EDIL3: variants seen among roughly 807,000 people sequenced by gnomAD.
The protein encoded by EDIL3 is EGF like and discoidin domains 3, also known as EGF-like repeat and discoidin I-like domain-containing protein 3.
EDIL3 carries 37 observed loss-of-function variants against 67.4 expected under a neutral mutation model. The observed-to-expected ratio is 0.55, with a 90% CI of 0.42 to 0.72. The LOEUF (loss-of-function observed/expected upper bound fraction) is 0.72. EDIL3 is among the 30% of genes least tolerant of loss of function. The pLI, the probability that EDIL3 is intolerant of heterozygous loss-of-function variation, is 0.00. For synonymous variants in EDIL3, 195 were observed against 196.3 expected (o/e 0.99, Z 0.05); for missense variants, 527 against 586.3 (o/e 0.90, Z 1.04).
At chr5:83,953,743 A>C (rs773029681) in intron 10 of EDIL3, among the ~76,000 whole-genome samples, 5 of 151,792 alleles carry the variant, frequency 3.3e-5, no homozygotes, top group Non-Finnish European at 5.9e-5. Context: ...CTTTGGTTAA[A>C]GTTATTTTTT....
chr5:84,338,979 T>C (rs1180003498), intron 1 of EDIL3, among the ~76,000 whole-genome samples: 1 of 147,200 alleles, frequency 6.8e-6, no homozygotes, highest in Non-Finnish European at 1.5e-5. Context: ...AATAGATCTG[T>C]CACTATTCAT....
intron 5 of EDIL3, among the ~76,000 whole-genome samples, chr5:84,111,647 T>C (rs1171315932): frequency 6.6e-6 from 1 of 151,944 alleles, no homozygotes; most frequent in Non-Finnish European, 1.5e-5. Context: ...GAAAATACCA[T>C]GAAGTGGTAT....
chr5:84,216,468 T>C (rs1360254187), intron 3 of EDIL3, among the ~76,000 whole-genome samples: 2 of 152,126 alleles, frequency 1.3e-5, no homozygotes, highest in Non-Finnish European at 2.9e-5. Context: ...AAACTGTTTA[T>C]AAGTGAATAA....
chr5:84,171,827 A>C (rs1748817132), intron 4 of EDIL3, among the ~76,000 whole-genome samples: 1 of 152,178 alleles, frequency 6.6e-6, no homozygotes, highest in Admixed American at 6.5e-5. Context: ...GCCATACTCC[A>C]GATAAATTAA....
intron 9 of EDIL3, among the ~76,000 whole-genome samples, chr5:84,011,084 T>C (rs1380624006): frequency 3.3e-5 from 5 of 152,316 alleles, no homozygotes; most frequent in African/African-American, 9.6e-5. Context: ...AACCTCTGAC[T>C]ATAGCATACT....
intron 3 of EDIL3, among the ~76,000 whole-genome samples, chr5:84,218,923 G>A (rs1744284938): frequency 6.6e-6 from 1 of 152,186 alleles, no homozygotes; most frequent in Non-Finnish European, 1.5e-5. Flanking sequence ...GGACCAGGAG[G>A]GAATTTGCCA....
rs551818941 is a variant in EDIL3 at position 84,198,832 on chromosome 5, A to C, written c.227-18311T>G. On this transcript the variant is annotated intron_variant, in intron 3 of 10. Transcript: ENST00000296591. Reference sequence around the variant, plus strand: ...TGTATGAGAATGGGAATTAGTAATGAAGATCCCTAGCCAAAACTTTTCTGG... The same window carrying C: ...TGTATGAGAATGGGAATTAGTAATGCAGATCCCTAGCCAAAACTTTTCTGG... Among the ~76,000 whole-genome samples the C allele has an allele frequency of 3.9e-5, 6 of 152,184 alleles. No homozygotes were observed. The South Asian group carries it at 1.2e-3, about 32-fold the overall frequency.
chr5:84,111,475 T>C (rs1345340966), intron 5 of EDIL3, among the ~76,000 whole-genome samples: 2 of 152,182 alleles, frequency 1.3e-5, no homozygotes, highest in Admixed American at 1.3e-4. Context: ...CATCCGTTCA[T>C]TTAATTCAGT....
At chr5:84,066,868 T>G (rs112067028) in intron 6 of EDIL3, among the ~76,000 whole-genome samples, 1,621 of 152,278 alleles carry the variant, frequency 0.011, 33 homozygotes, top group African/African-American at 0.038. Context: ...AACATAAGTA[T>G]AGAAAGCATC....
chr5:84,313,058 T>G (rs1746438442), intron 1 of EDIL3, among the ~76,000 whole-genome samples: 1 of 152,198 alleles, frequency 6.6e-6, no homozygotes, highest in South Asian at 2.1e-4. Context: ...ATGGTCTGGA[T>G]TTTGTGACAG....
Position 84,186,199 on chromosome 5 carries a change from AT to A in EDIL3, c.227-5679del, listed in dbSNP as rs545544211. Among the ~76,000 whole-genome samples the A allele has an allele frequency of 2.2e-3, 336 of 152,186 alleles. 1 individual carries two copies. Among genetic ancestry groups the A allele is most frequent in the African/African-American group, 7.8e-3 (323 of 41,570 alleles). ...TTCTCTATTTTGATACTGAAAAAAA[AT>A]ATTACTAAAGTAATATGTAAAGGTC... On this transcript the variant is annotated intron_variant, in intron 3 of 10. Transcript: ENST00000296591.
intron 1 of EDIL3, among the ~76,000 whole-genome samples, chr5:84,339,206 T>C (rs1747046906): frequency 6.6e-6 from 1 of 152,174 alleles, no homozygotes; most frequent in South Asian, 2.1e-4. Flanking sequence ...GAAATTTACT[T>C]AACTTCTTTG....
chr5:83,979,031 A>T (rs1744921139), intron 9 of EDIL3, among the ~76,000 whole-genome samples: 1 of 152,136 alleles, frequency 6.6e-6, no homozygotes, highest in African/African-American at 2.4e-5. Context: ...GAGAGAAGAT[A>T]TTCTTACAAA....
chr5:84,202,823 T>C (rs543422103), intron 3 of EDIL3, among the ~76,000 whole-genome samples: 12 of 152,278 alleles, frequency 7.9e-5, no homozygotes, highest in African/African-American at 2.9e-4. Context: ...GTAATTCTTC[T>C]AAGTCTTTTA....
intron 9 of EDIL3, among the ~76,000 whole-genome samples, chr5:84,054,275 C>T (rs1249097914): frequency 6.6e-6 from 1 of 152,142 alleles, no homozygotes; most frequent in Non-Finnish European, 1.5e-5. Flanking sequence ...ATGCTAAAAA[C>T]TCTCAATAAA....
At chr5:83,961,622 T>C (rs1176992389) in intron 10 of EDIL3, among the ~76,000 whole-genome samples, 1 of 151,188 alleles carries the variant, frequency 6.6e-6, no homozygotes, top group African/African-American at 2.4e-5. Context: ...GATAAGTAAA[T>C]ACTCATCTGT....
At chr5:84,368,212 T>C (rs1580105794) in intron 1 of EDIL3, among the ~76,000 whole-genome samples, 1 of 152,274 alleles carries the variant, frequency 6.6e-6, no homozygotes, top group East Asian at 1.9e-4. Flanking sequence ...TTCCTTATTT[T>C]AAAACTTACT....
intron 4 of EDIL3, among the ~76,000 whole-genome samples, chr5:84,166,488 T>C (rs2112344652): frequency 6.6e-6 from 1 of 152,266 alleles, no homozygotes; most frequent in Non-Finnish European, 1.5e-5. Context: ...ATTCATTTGT[T>C]TACTTAACAA....
At chr5:84,323,705 G>T (rs181911559) in intron 1 of EDIL3, among the ~76,000 whole-genome samples, 87 of 151,910 alleles carry the variant, frequency 5.7e-4, no homozygotes, top group Admixed American at 3.4e-3. Flanking sequence ...CAAATAGATT[G>T]TAAGAAAAAG....
Sources: allele counts gnomAD v4.1 joint callset (sites outside exome capture counted in the v4.1 genomes callset), GRCh38; gene constraint gnomAD v4.1.1; transcripts MANE v1.5; gene names NCBI Gene and HGNC (gene_info 2026-07-23, HGNC 2026-07-21).